PAPLN: variants seen among roughly 807,000 people sequenced by gnomAD.
PAPLN encodes papilin, proteoglycan like sulfated glycoprotein.
PAPLN carries 146 observed loss-of-function variants against 159.0 expected under a neutral mutation model. That is an observed-to-expected ratio of 0.92 (90% confidence interval 0.80 to 1.05). The LOEUF (loss-of-function observed/expected upper bound fraction) is 1.05. Ranked by LOEUF, PAPLN falls within the 50% of genes least tolerant of loss-of-function variation. PAPLN has a pLI of 0.00. For synonymous variants in PAPLN, 734 were observed against 702.9 expected, an observed-to-expected ratio of 1.04 and a Z score of -0.70; for missense variants, 1,720 against 1,743.9, an observed-to-expected ratio of 0.99 and a Z score of 0.24.
At position 73,262,993 on chromosome 14, in the gene PAPLN, A is replaced by G. The variant is rs200653108; in HGVS notation, c.2723+166A>G. The G allele has an allele frequency of 2.3e-5, 13 of 563,368 alleles. No individual in the cohort carries two copies. In the East Asian group the frequency reaches 4.3e-4, roughly 19 times the overall value. 34.9% of individuals were successfully genotyped at this position (563,368 alleles called of 1,614,324 possible). A position where few individuals can be genotyped will look rare whatever the true frequency, so the allele number is the denominator to read the frequency against. On this transcript the variant is annotated intron_variant, in intron 19 of 26. Transcript: ENST00000644200. ...CTTGTTGCCATCATTCTACAGATGG[A>G]GAAGCTGGGGCTTCAGAGACTTGAG... is the stretch of plus-strand genomic sequence containing the variant.
intron 1 of PAPLN, chr14:73,239,552 G>A: frequency 1.4e-6 from 1 of 694,692 alleles, no homozygotes; most frequent in Admixed American, 4.0e-5. Flanking sequence ...ACTTCTGCCA[G>A]TTGCGGATGG....
chr14:73,259,858 G>T (rs1412811556), intron 16 of PAPLN, among the ~76,000 whole-genome samples: 1 of 152,100 alleles, frequency 6.6e-6, no homozygotes, highest in Non-Finnish European at 1.5e-5. Context: ...ATCTAACCAG[G>T]CTCAGGGAAC....
rs1566673792 is a variant in PAPLN at position 73,246,088 on chromosome 14, G to A, written c.247G>A (p.Ala83Thr). The A allele has an allele frequency of 1.3e-6, 2 of 1,567,646 alleles. No homozygotes were observed. Among genetic ancestry groups the A allele is most frequent in the East Asian group, 5.0e-5 (2 of 40,378 alleles). The change falls in exon 5 of 27, where the codon GCC (alanine) becomes ACC (threonine). Residue 83 changes from alanine (A) to threonine (T), a missense_variant. Ala to Thr is a moderately conservative substitution (Grantham distance 58). Transcript: ENST00000644200. ...CGCCCCGCAGAGCTGCCCCGACGGC[G>A]CCCGGGACTTCCGGGCCGAGCAGTG... ...SCRTESCPDG[A>T]RDFRAEQCAE...
chr14:73,258,736 T>G (rs139151625), intron 14 of PAPLN, among the ~76,000 whole-genome samples: 1 of 152,022 alleles, frequency 6.6e-6, no homozygotes. Flanking sequence ...CATCTCAGCC[T>G]GGGCGACAGA....
At chr14:73,264,828 C>T (rs943551472) in intron 22 of PAPLN, 102 bp downstream of exon 22, 2 of 1,556,614 alleles carry the variant, frequency 1.3e-6, no homozygotes, top group African/African-American at 1.4e-5. Flanking sequence ...CAGGCCTTGC[C>T]AGCCCCTGCT....
chr14:73,249,730 A>T (rs185979739), intron 5 of PAPLN: 1 of 227,628 alleles, frequency 4.4e-6, no homozygotes, highest in African/African-American at 2.3e-5. Flanking sequence ...TGTGGTAAAT[A>T]ATGCTGAGGT....
At chr14:73,241,045 G>A (rs1883490334) in intron 2 of PAPLN, among the ~76,000 whole-genome samples, 1 of 152,122 alleles carries the variant, frequency 6.6e-6, no homozygotes, top group Non-Finnish European at 1.5e-5. Context: ...GCATCTGTGG[G>A]CGGAGGCTGA....
chr14:73,251,282 G>A (rs758495301), intron 7 of PAPLN, among the ~76,000 whole-genome samples: 3 of 152,118 alleles, frequency 2.0e-5, no homozygotes, highest in Non-Finnish European at 4.4e-5. Flanking sequence ...AGTGTGCTCC[G>A]GGTGCCCTGA....
chr14:73,271,736 G>A (rs1165761732), intron 26 of PAPLN, among the ~76,000 whole-genome samples: 3 of 152,108 alleles, frequency 2.0e-5, no homozygotes, highest in Admixed American at 6.6e-5. Context: ...TCCTGACCTC[G>A]TGATCCGCCC....
chr14:73,262,332 C>G lies in PAPLN; in HGVS notation c.2246-18C>G, dbSNP rs772636948. On this transcript the variant is annotated intron_variant, in intron 18 of 26. Transcript: ENST00000644200. ...TACTGGGCACCTCAGTGACTTATATCACACCCATGCCCTGCAGCCTACCCC... is the reference window on the plus strand; with the variant it reads ...TACTGGGCACCTCAGTGACTTATATGACACCCATGCCCTGCAGCCTACCCC... 1.3e-6 allele frequency: 2 copies of G among 1,592,326 alleles called. No homozygotes were observed. Among genetic ancestry groups the G allele is most frequent in the Admixed American group, 1.7e-5 (1 of 58,922 alleles).
At chr14:73,239,940 G>A in intron 2 of PAPLN, 108 bp downstream of exon 2, 1 of 1,449,982 alleles carries the variant, frequency 6.9e-7, no homozygotes, top group Non-Finnish European at 9.1e-7. Flanking sequence ...TGTCAGGGAA[G>A]CTGGGCTGGG....
In PAPLN at chr14:73,264,318, T is replaced by C; in HGVS notation, c.2969T>C (p.Ile990Thr). The C allele has an allele frequency of 6.2e-7, 1 of 1,613,790 alleles. No individual in the cohort carries two copies. Among genetic ancestry groups the C allele is most frequent in the Non-Finnish European group, 8.5e-7 (1 of 1,179,948 alleles). Residue 990 changes from isoleucine to threonine, a missense_variant, in exon 21 of 27, where the codon ATC becomes ACC. Coordinates refer to ENST00000644200, the MANE Select transcript of PAPLN (RefSeq NM_001365906.3). ...STRPGRDSQK[I>T]QLRIIGGDMA... The stretch of plus-strand genomic sequence containing the variant: ...CGGCCAGGCCGCGACTCCCAGAAGA[T>C]CCAACTTCGCATCATAGGTCTCTGT...
At chr14:73,259,589 G>A in intron 16 of PAPLN, 44 bp downstream of exon 16, 1 of 1,456,498 alleles carries the variant, frequency 6.9e-7, no homozygotes, top group Non-Finnish European at 9.1e-7. Flanking sequence ...GTCAAAGAGG[G>A]AAGGTGGGAC....
intron 25 of PAPLN, among the ~76,000 whole-genome samples, chr14:73,267,751 C>T (rs1042377536): frequency 1.7e-4 from 26 of 152,288 alleles, no homozygotes; most frequent in Middle Eastern, 3.4e-3. Flanking sequence ...TCAGTCCAGC[C>T]ATCCCCTGAT....
At chr14:73,247,275 T>C (rs1248121964) in intron 5 of PAPLN, among the ~76,000 whole-genome samples, 2 of 152,098 alleles carry the variant, frequency 1.3e-5, no homozygotes, top group East Asian at 3.8e-4. Flanking sequence ...TTTAGAGAAA[T>C]ACAGTTCAGG....
At chr14:73,254,005 G>A in intron 12 of PAPLN, 44 bp downstream of exon 12, 2 of 1,569,366 alleles carry the variant, frequency 1.3e-6, no homozygotes, top group Non-Finnish European at 8.6e-7. Context: ...GACCTGGGTA[G>A]CAGCAGGGAA....
chr14:73,236,770 C>G (rs1459630142), upstream of PAPLN, among the ~76,000 whole-genome samples: 1 of 149,068 alleles, frequency 6.7e-6, no homozygotes, highest in Non-Finnish European at 1.5e-5. Context: ...GAGCCAAGAT[C>G]TAGCCATTGC....
rs34780248 is a variant in PAPLN, at chr14:73,253,139, AT to A, written c.1094+365del. On this transcript the variant is annotated intron_variant, in intron 11 of 26. Transcript: ENST00000644200. Reference sequence around the variant, plus strand: ...GCCAAAGGGCCTGTTGGCATCGGCCATGGCTTTGTTCGTGCACAAAGGACCT... The same window carrying A: ...GCCAAAGGGCCTGTTGGCATCGGCCAGGCTTTGTTCGTGCACAAAGGACCT... The A allele has an allele frequency of 2.8e-3, 3,902 of 1,383,708 alleles. 88 individuals carry two copies. In the African/African-American group the frequency reaches 0.045, roughly 16 times the overall value. The allele number at this position is 1,383,708 out of a possible 1,614,324, so 85.7% of individuals were successfully genotyped here.
chr14:73,272,634 C>G lies in PAPLN; in HGVS notation c.3807C>G (p.Phe1269Leu). ...SSFCCASCSR[F>L]QPHAQPIWQ ...TCTGCTGTGCCAGCTGTTCACGTTT[C>G]CAGCCTCACGCTCAGCCCATCTGGC... Residue 1269 changes from phenylalanine to leucine, a missense_variant, in exon 27 of 27, where the codon TTC becomes TTG. Transcript: ENST00000644200. 6.3e-7 allele frequency: 1 copy of G among 1,590,022 alleles called. No individual in the cohort carries two copies. Among genetic ancestry groups the G allele is most frequent in the Non-Finnish European group, 8.6e-7 (1 of 1,160,542 alleles).
Sources: gnomAD v4.1 joint callset for allele counts (sites outside exome capture counted in the v4.1 genomes callset) on GRCh38, gnomAD v4.1.1 for gene constraint, MANE v1.5 for transcripts, NCBI Gene and HGNC (gene_info 2026-07-23, HGNC 2026-07-21) for gene names.